TSPAN9: variants seen among roughly 807,000 people sequenced by gnomAD.
TSPAN9 encodes the protein tetraspanin 9.
Under a neutral mutation model 31.0 loss-of-function variants are expected in TSPAN9, and 16 were observed. The ratio of observed to expected loss-of-function variants is 0.52; its 90% confidence interval spans 0.35 to 0.78. TSPAN9 has a LOEUF of 0.78. Ranked by LOEUF, TSPAN9 falls within the 30% of genes least tolerant of loss-of-function variation. The pLI, the probability that TSPAN9 is intolerant of heterozygous loss-of-function variation, is 0.01. For synonymous variants in TSPAN9, 145 were observed against 121.6 expected (o/e 1.19, Z -1.27); for missense variants, 272 against 312.5 (o/e 0.87, Z 0.98).
chr12:3,222,849 C>G (rs925632632), intron 3 of TSPAN9, among the ~76,000 whole-genome samples: 2 of 152,234 alleles, frequency 1.3e-5, no homozygotes, highest in African/African-American at 2.4e-5. Context: ...GAAAGACCAG[C>G]TGACCCTGAT....
At chr12:3,269,662 T>A (rs2153979921) in intron 3 of TSPAN9, among the ~76,000 whole-genome samples, 1 of 152,350 alleles carries the variant, frequency 6.6e-6, no homozygotes, top group South Asian at 2.1e-4. Flanking sequence ...CTGCCCAGGG[T>A]CTGCAGCAGA....
At chr12:3,141,405 G>T (rs764946670) in intron 2 of TSPAN9, among the ~76,000 whole-genome samples, 6 of 152,140 alleles carry the variant, frequency 3.9e-5, no homozygotes, top group Non-Finnish European at 5.9e-5. Flanking sequence ...TATCCGGCCG[G>T]CCTCTGCAGC....
chr12:3,131,274 A>T (rs907642096), intron 2 of TSPAN9, among the ~76,000 whole-genome samples: 1 of 152,204 alleles, frequency 6.6e-6, no homozygotes, highest in Non-Finnish European at 1.5e-5. Flanking sequence ...GTGGTTGAGT[A>T]AATAGCCAGA....
At chr12:3,112,465 C>T (rs10774119) in intron 2 of TSPAN9, among the ~76,000 whole-genome samples, 25,066 of 151,728 alleles carry the variant, frequency 0.17, 2,232 homozygotes, top group East Asian at 0.32. Context: ...CATAAGCCAC[C>T]GCGCCTGGCC....
At position 3,160,686 on chromosome 12, in the gene TSPAN9, C is replaced by T. The variant is rs563331028; in HGVS notation, c.-17-40491C>T. 7.9e-5 allele frequency among the ~76,000 whole-genome samples: 12 copies of T among 152,308 alleles called. No homozygotes were observed. In the East Asian group the frequency reaches 2.1e-3, roughly 27 times the overall value. Reference sequence around the variant, plus strand: ...GGTATCTCATTGTGGTTTTCATTTGCATTTCCCTAGTGATGAATGATGTTG... The same window carrying T: ...GGTATCTCATTGTGGTTTTCATTTGTATTTCCCTAGTGATGAATGATGTTG... On this transcript the variant is annotated intron_variant, in intron 2 of 8. Coordinates refer to ENST00000011898, the MANE Select transcript of TSPAN9 (RefSeq NM_006675.5).
At chr12:3,220,077 G>A (rs895918770) in intron 3 of TSPAN9, among the ~76,000 whole-genome samples, 10 of 151,196 alleles carry the variant, frequency 6.6e-5, no homozygotes, top group African/African-American at 1.7e-4. Context: ...CCCGGGAGGC[G>A]GAAGTTGCAG....
chr12:3,193,391 G>C (rs544544736), intron 2 of TSPAN9, among the ~76,000 whole-genome samples: 1 of 152,266 alleles, frequency 6.6e-6, no homozygotes, highest in East Asian at 1.9e-4. Context: ...CTCCTGGCTG[G>C]GGCAGGATTG....
chr12:3,137,353 A>G (rs2098332594), intron 2 of TSPAN9, among the ~76,000 whole-genome samples: 1 of 152,118 alleles, frequency 6.6e-6, no homozygotes, highest in Non-Finnish European at 1.5e-5. Context: ...TCACTGGAAC[A>G]CATAAGTGCC....
chr12:3,248,933 C>G (rs77530558), intron 3 of TSPAN9, among the ~76,000 whole-genome samples: 1 of 152,220 alleles, frequency 6.6e-6, no homozygotes, highest in Non-Finnish European at 1.5e-5. Flanking sequence ...TGTCTGCCCC[C>G]CTCCGTACCC....
At chr12:3,214,353 A>G (rs1010913646) in intron 3 of TSPAN9, among the ~76,000 whole-genome samples, 3 of 152,174 alleles carry the variant, frequency 2.0e-5, no homozygotes, top group Non-Finnish European at 4.4e-5. Flanking sequence ...CACCTGGACT[A>G]CGTGTGTGCT....
intron 2 of TSPAN9, among the ~76,000 whole-genome samples, chr12:3,181,590 TA>T (rs1565604889): frequency 6.6e-6 from 1 of 152,014 alleles, no homozygotes; most frequent in African/African-American, 2.4e-5. Context: ...TGGACATAAG[TA>T]ACACCTAATG....
Position 3,283,422 on chromosome 12 carries a change from G to A in TSPAN9, c.*306G>A. The A allele has an allele frequency of 3.6e-6, 1 of 278,162 alleles. No individual in the cohort carries two copies. The highest frequency in any genetic ancestry group is 6.7e-6 in the Non-Finnish European group (1 of 149,076). 17.2% of individuals were successfully genotyped at this position (278,162 alleles called of 1,614,324 possible). A position where few individuals can be genotyped will look rare whatever the true frequency, so the allele number is the denominator to read the frequency against. On this transcript the variant is annotated 3_prime_UTR_variant, in exon 9 of 9. Coordinates refer to ENST00000011898, the MANE Select transcript of TSPAN9 (RefSeq NM_006675.5). ...GAACCCCCGGCACTGATGGGCTTCT[G>A]CCCCTGCCCTTCCTCACACTGACAC...
intron 3 of TSPAN9, among the ~76,000 whole-genome samples, chr12:3,202,651 C>T (rs755451700): frequency 2.0e-5 from 3 of 152,160 alleles, no homozygotes; most frequent in Non-Finnish European, 4.4e-5. Flanking sequence ...GGGGTGGGGG[C>T]AGGCATCCTC....
intron 3 of TSPAN9, among the ~76,000 whole-genome samples, chr12:3,235,560 C>T (rs948185144): frequency 1.3e-5 from 2 of 152,072 alleles, no homozygotes; most frequent in Admixed American, 1.3e-4. Context: ...TGTCTAATGT[C>T]ACCAGGGGCT....
chr12:3,265,329 C>G (rs1862519493), intron 3 of TSPAN9, among the ~76,000 whole-genome samples: 1 of 152,184 alleles, frequency 6.6e-6, no homozygotes, highest in Non-Finnish European at 1.5e-5. Flanking sequence ...TCCAAGGGCT[C>G]CAGTGTTTTC....
chr12:3,250,412 C>T (rs986703955), intron 3 of TSPAN9, among the ~76,000 whole-genome samples: 5 of 152,212 alleles, frequency 3.3e-5, no homozygotes, highest in Non-Finnish European at 7.3e-5. Context: ...CCTGTTTTTC[C>T]AGAATGGAGT....
At chr12:3,151,617 C>T (rs948990185) in intron 2 of TSPAN9, 1 of 152,256 alleles carries the variant, frequency 6.6e-6, no homozygotes, top group African/African-American at 2.4e-5. Context: ...ACTTGGCTGC[C>T]TCTTCCCGCC....
At chr12:3,155,580 C>A (rs2098341804) in intron 2 of TSPAN9, among the ~76,000 whole-genome samples, 1 of 148,598 alleles carries the variant, frequency 6.7e-6, no homozygotes, top group South Asian at 2.2e-4. Context: ...GATGACAGAG[C>A]AAGACCCTGT....
intron 2 of TSPAN9, among the ~76,000 whole-genome samples, chr12:3,179,968 T>C (rs1016179280): frequency 2.6e-5 from 4 of 152,178 alleles, no homozygotes; most frequent in Admixed American, 2.0e-4. Context: ...TAAAGCTTCC[T>C]GGCCAGGTGC....
Sources: allele counts gnomAD v4.1 joint callset (sites outside exome capture counted in the v4.1 genomes callset), GRCh38; gene constraint gnomAD v4.1.1; transcripts MANE v1.5; gene names NCBI Gene and HGNC (gene_info 2026-07-23, HGNC 2026-07-21).